The following MFSD11 variants were observed in gnomAD, a reference collection of about 807,000 sequenced individuals.
MFSD11 encodes the protein UNC93-like protein MFSD11.
Under a neutral mutation model 53.5 loss-of-function variants are expected in MFSD11, and 36 were observed. The observed-to-expected ratio is 0.67, with a 90% CI of 0.52 to 0.89. The LOEUF (loss-of-function observed/expected upper bound fraction) is 0.89. Among genes scored for constraint, MFSD11 ranks in the 40% least tolerant of loss-of-function variants. The pLI, the probability that MFSD11 is intolerant of heterozygous loss-of-function variation, is 0.00. For missense variants in MFSD11, 530 were observed against 543.9 expected, an observed-to-expected ratio of 0.97 and a Z score of 0.25; for synonymous variants, 186 against 184.9, an observed-to-expected ratio of 1.01 and a Z score of -0.05.
At chr17:76,795,358 G>A in the MFSD11 span, among the ~76,000 whole-genome samples, 6 of 150,910 alleles carry the variant, frequency 4.0e-5, no homozygotes, top group East Asian at 2.0e-4. Context: ...ACGTGGTGGC[G>A]TGAGCCTGTA....
At chr17:76,770,809 C>G (rs1034512495) in intron 10 of MFSD11, among the ~76,000 whole-genome samples, 2 of 152,152 alleles carry the variant, frequency 1.3e-5, no homozygotes, top group African/African-American at 2.4e-5. Flanking sequence ...GAAAGGGTCC[C>G]TAAGTGCAGG....
the MFSD11 span, among the ~76,000 whole-genome samples, chr17:76,787,105 T>C: frequency 6.7e-6 from 1 of 150,168 alleles, no homozygotes; most frequent in African/African-American, 2.5e-5. Flanking sequence ...GAAACAGATA[T>C]CAAAGGATAA....
At chr17:76,737,261 G>A (rs963566169), upstream of MFSD11, 9 of 1,429,476 alleles carry the variant, frequency 6.3e-6, no homozygotes, top group Middle Eastern at 2.1e-4. Flanking sequence ...TCCGCGTGGG[G>A]ACACTGGGAA....
At position 76,778,410 on chromosome 17, in the gene MFSD11, G is replaced by C. The variant is rs2082034839; in HGVS notation, c.*58G>C. ...AGAAACACAGCTGGACACAGAGCTTGGTGGAAGAAGTCGCCTTTGATCTTC... is the reference window on the plus strand; with the variant it reads ...AGAAACACAGCTGGACACAGAGCTTCGTGGAAGAAGTCGCCTTTGATCTTC... On this transcript the variant is annotated 3_prime_UTR_variant, in exon 13 of 13. Coordinates refer to ENST00000685175, the MANE Select transcript of MFSD11 (RefSeq NM_001242532.5). 1 of 1,563,756 alleles carries C rather than the reference G, an allele frequency of 6.4e-7. No individual in the cohort carries two copies. The highest frequency in any genetic ancestry group is 8.8e-7 in the Non-Finnish European group (1 of 1,140,794).
At chr17:76,774,886 A>G in intron 10 of MFSD11, 111 bp from the exon 11 acceptor site, 1 of 1,137,744 alleles carries the variant, frequency 8.8e-7, no homozygotes, top group Admixed American at 2.4e-5. Flanking sequence ...GGTTTTTTGA[A>G]GAAATTTAAC....
chr17:76,765,550 C>G (rs977059471), intron 8 of MFSD11, among the ~76,000 whole-genome samples: 6 of 146,946 alleles, frequency 4.1e-5, no homozygotes, highest in African/African-American at 1.5e-4. Flanking sequence ...GCAGCCTCAA[C>G]CTCCCAGGCT....
the MFSD11 span, chr17:76,799,245 G>T: frequency 6.6e-6 from 1 of 152,006 alleles, no homozygotes; most frequent in Admixed American, 6.6e-5. Flanking sequence ...CTCCCAAGTA[G>T]CTGGGATTAT....
intron 12 of MFSD11, 85 bp from the exon 13 acceptor site, chr17:76,778,103 G>T (rs1436274643): frequency 5.1e-6 from 7 of 1,371,724 alleles, no homozygotes; most frequent in South Asian, 1.2e-5. Flanking sequence ...TGTCCTTGGG[G>T]CAGGATAGGA....
intron 10 of MFSD11, among the ~76,000 whole-genome samples, chr17:76,772,768 G>A (rs1400907882): frequency 6.6e-6 from 1 of 151,898 alleles, no homozygotes; most frequent in African/African-American, 2.4e-5. Flanking sequence ...CACCCACCTC[G>A]GCCTCCCAAA....
the MFSD11 span, among the ~76,000 whole-genome samples, chr17:76,801,500 G>A: frequency 2.1e-5 from 3 of 140,762 alleles, no homozygotes; most frequent in African/African-American, 5.3e-5. Flanking sequence ...AGGCTGGAGT[G>A]CAATGGCATG....
downstream of MFSD11, chr17:76,781,598 CT>C (rs1456733461): frequency 6.6e-6 from 1 of 152,144 alleles, no homozygotes; most frequent in Non-Finnish European, 1.5e-5. Context: ...CATAATGGAT[CT>C]GTACAACCCT....
Position 76,738,464 on chromosome 17 carries a change from TCCTC to T in MFSD11, c.96+22_96+25del. On this transcript the variant is annotated intron_variant, in intron 1 of 12. Coordinates refer to ENST00000685175, the MANE Select transcript of MFSD11 (RefSeq NM_001242532.5). ...AAATGTGGCGGTGAGTTGGAATCTG[TCCTC>T]CCTCCTTTGAAGTGCCCATCATAAT... is the stretch of plus-strand genomic sequence containing the variant. 6.3e-7 allele frequency: 1 copy of T among 1,585,672 alleles called. No individual in the cohort carries two copies. The highest frequency in any genetic ancestry group is 8.7e-7 in the Non-Finnish European group (1 of 1,154,208).
chr17:76,755,782 G>GTATATATATATATATA (rs1234863900), intron 8 of MFSD11, among the ~76,000 whole-genome samples: 1 of 29,152 alleles, frequency 3.4e-5, no homozygotes, highest in Admixed American at 7.2e-4. Context: ...GTGTGTGTGT[G>GTATATATATATATATA]TGTGTATACA....
chr17:76,788,373 G>GTTGTTTTT, the MFSD11 span, among the ~76,000 whole-genome samples: 2 of 148,060 alleles, frequency 1.4e-5, no homozygotes, highest in African/African-American at 5.0e-5. Flanking sequence ...TTGTTGTTTT[G>GTTGTTTTT]TTGTTGTTTT....
rs1643156698 is a variant in MFSD11, at chr17:76,778,940, A to C, written c.*588A>C. The C allele has an allele frequency of 6.5e-6, 1 of 152,738 alleles. No individual in the cohort carries two copies. Among genetic ancestry groups the C allele is most frequent in the Non-Finnish European group, 1.5e-5 (1 of 68,482 alleles). 9.5% of individuals were successfully genotyped at this position (152,738 alleles called of 1,614,324 possible). On this transcript the variant is annotated 3_prime_UTR_variant, in exon 13 of 13. Coordinates refer to ENST00000685175, the MANE Select transcript of MFSD11 (RefSeq NM_001242532.5). ...ACCACTGCACTCCAGGCTGGGCAAC[A>C]GAGTGAGACCCTGTCTTGAAAATAA...
chr17:76,785,279 G>A (rs2082259793), downstream of MFSD11, among the ~76,000 whole-genome samples: 2 of 152,184 alleles, frequency 1.3e-5, no homozygotes, highest in Non-Finnish European at 2.9e-5. Flanking sequence ...AATTCATGGA[G>A]TCAGATGTAG....
At chr17:76,789,471 C>G in the MFSD11 span, among the ~76,000 whole-genome samples, 1 of 150,048 alleles carries the variant, frequency 6.7e-6, no homozygotes, top group African/African-American at 2.4e-5. Context: ...CAGTTAAACT[C>G]CCATTTTGCC....
chr17:76,770,120 C>T (rs535154489), intron 10 of MFSD11, among the ~76,000 whole-genome samples: 1 of 150,518 alleles, frequency 6.6e-6, no homozygotes, highest in African/African-American at 2.5e-5. Flanking sequence ...TCACTGCAAG[C>T]TCCGCCTCCC....
At chr17:76,744,586 C>A in intron 7 of MFSD11, 120 bp downstream of exon 7, 56 of 811,130 alleles carry the variant, frequency 6.9e-5, no homozygotes, top group South Asian at 2.3e-4. Context: ...TTACCACAGG[C>A]AAGAAAAGGA....
Sources: allele counts gnomAD v4.1 joint callset (sites outside exome capture counted in the v4.1 genomes callset), GRCh38; gene constraint gnomAD v4.1.1; transcripts MANE v1.5; gene names NCBI Gene and HGNC (gene_info 2026-07-23, HGNC 2026-07-21).